The following DACH1 variants were observed in gnomAD, a reference collection of about 807,000 sequenced individuals.
DACH1 encodes dachshund family transcription factor 1.
DACH1 carries 12 observed loss-of-function variants against 54.2 expected under a neutral mutation model. That is an observed-to-expected ratio of 0.22 (90% CI 0.14 to 0.36). The LOEUF (loss-of-function observed/expected upper bound fraction) is 0.36. DACH1 is among the 10% of genes least tolerant of loss of function. The pLI is 1.00. For synonymous variants in DACH1, 386 were observed against 366.2 expected (o/e 1.05, Z -0.62); for missense variants, 805 against 929.8 (o/e 0.87, Z 1.75).
intron 4 of DACH1, among the ~76,000 whole-genome samples, chr13:71,564,809 T>A (rs1046804159): frequency 2.6e-5 from 4 of 152,322 alleles, no homozygotes; most frequent in African/African-American, 9.6e-5. Context: ...CATTTAGTTT[T>A]TATTTATTTT....
chr13:71,580,185 T>C (rs1452014155), intron 3 of DACH1, among the ~76,000 whole-genome samples: 1 of 152,216 alleles, frequency 6.6e-6, no homozygotes, highest in African/African-American at 2.4e-5. Context: ...CTAAAACTTA[T>C]TCATACAGTT....
intron 1 of DACH1, among the ~76,000 whole-genome samples, chr13:71,698,110 A>G (rs1215217622): frequency 6.6e-6 from 1 of 152,156 alleles, no homozygotes; most frequent in Non-Finnish European, 1.5e-5. Context: ...GGAAATTGCT[A>G]AAACCCGGGA....
At chr13:71,846,147 A>G in intron 1 of DACH1, 1 of 197,338 alleles carries the variant, frequency 5.1e-6, no homozygotes, top group South Asian at 1.0e-4. Flanking sequence ...ACAAAGCGAG[A>G]ACAGCACACT....
At chr13:71,479,026 G>T in intron 8 of DACH1, 143 bp downstream of exon 8, 3 of 695,134 alleles carry the variant, frequency 4.3e-6, no homozygotes, top group Non-Finnish European at 4.4e-6. Context: ...AATACAATGA[G>T]CCTAGGATTC....
chr13:71,688,681 C>T (rs976036565), intron 1 of DACH1, among the ~76,000 whole-genome samples: 8 of 152,142 alleles, frequency 5.3e-5, no homozygotes, highest in Admixed American at 5.2e-4. Context: ...TTACAAATAT[C>T]ACCAGTGGAC....
intron 2 of DACH1, among the ~76,000 whole-genome samples, chr13:71,641,451 T>C (rs1280888018): frequency 6.6e-5 from 10 of 152,108 alleles, no homozygotes; most frequent in Admixed American, 5.9e-4. Context: ...TAACAACATC[T>C]CATTTAAGCT....
chr13:71,755,869 T>C lies in DACH1; in HGVS notation c.849-73959A>G, dbSNP rs540940485. 9.2e-5 allele frequency among the ~76,000 whole-genome samples: 14 copies of C among 152,286 alleles called. No individual in the cohort carries two copies. The South Asian group carries it at 2.7e-3, about 29-fold the overall frequency. On this transcript the variant is annotated intron_variant, in intron 1 of 10. Coordinates refer to ENST00000613252, the MANE Select transcript of DACH1 (RefSeq NM_080759.6). ...ATGGAAACCATTACTTTTAAACTTA[T>C]GATACTATACCAAAATAATAGAGAA...
intron 2 of DACH1, among the ~76,000 whole-genome samples, chr13:71,663,549 C>T (rs1026333877): frequency 4.6e-5 from 7 of 151,878 alleles, no homozygotes; most frequent in Non-Finnish European, 8.8e-5. Flanking sequence ...GCTACTGGAG[C>T]ACTGAAATGT....
intron 3 of DACH1, among the ~76,000 whole-genome samples, chr13:71,586,568 T>C (rs1873295284): frequency 6.6e-6 from 1 of 152,098 alleles, no homozygotes; most frequent in Non-Finnish European, 1.5e-5. Flanking sequence ...CTATTCACAA[T>C]TCTTATATTC....
rs1213065338 is a variant in DACH1, at chr13:71,756,124, A to G, written c.849-74214T>C. ...CGGCTCACTGCAATCTCTGCCTCCC[A>G]GTTTCGAGCAATTCTCCTGCCTCAG... On this transcript the variant is annotated intron_variant, in intron 1 of 10. Coordinates refer to ENST00000613252, the MANE Select transcript of DACH1 (RefSeq NM_080759.6). Among the ~76,000 whole-genome samples, 4 of 152,004 alleles carry G rather than the reference A, an allele frequency of 2.6e-5. No homozygotes were observed. In the East Asian group the frequency reaches 7.8e-4, roughly 30 times the overall value.
chr13:71,609,852 A>G (rs896311898), intron 3 of DACH1, among the ~76,000 whole-genome samples: 1 of 152,162 alleles, frequency 6.6e-6, no homozygotes, highest in Non-Finnish European at 1.5e-5. Context: ...ATCTTGATAA[A>G]TATAAAAAAT....
intron 10 of DACH1, 74 bp downstream of exon 10, chr13:71,475,067 T>G: frequency 2.2e-6 from 3 of 1,375,540 alleles, no homozygotes; most frequent in Non-Finnish European, 3.1e-6. Flanking sequence ...GGCTACATGC[T>G]TGAATAGCAG....
chr13:71,789,965 A>G (rs1886767747), intron 1 of DACH1, among the ~76,000 whole-genome samples: 2 of 152,154 alleles, frequency 1.3e-5, no homozygotes, highest in African/African-American at 4.8e-5. Context: ...ACATTCTCTT[A>G]TTTATTCACA....
At chr13:71,604,148 A>G (rs1874713387) in intron 3 of DACH1, among the ~76,000 whole-genome samples, 1 of 151,940 alleles carries the variant, frequency 6.6e-6, no homozygotes, top group African/African-American at 2.4e-5. Context: ...GCAATATAAA[A>G]ATCACTTCAT....
intron 2 of DACH1, among the ~76,000 whole-genome samples, chr13:71,645,199 AT>A (rs1878182802): frequency 6.6e-6 from 1 of 152,174 alleles, no homozygotes; most frequent in South Asian, 2.1e-4. Context: ...CGGAAGAGCA[AT>A]TGATAAACAT....
At chr13:71,834,496 T>A (rs1458979874) in intron 1 of DACH1, among the ~76,000 whole-genome samples, 2 of 152,074 alleles carry the variant, frequency 1.3e-5, no homozygotes, top group Non-Finnish European at 2.9e-5. Context: ...TGAAATACTA[T>A]TATGGGACAT....
At chr13:71,445,231 A>C in intron 10 of DACH1, among the ~76,000 whole-genome samples, 1 of 152,224 alleles carries the variant, frequency 6.6e-6, no homozygotes, top group Admixed American at 6.5e-5. Context: ...AACAAAAATT[A>C]TTAGCATGTT....
Position 71,866,225 on chromosome 13 carries a change from G to T in DACH1, c.545C>A (p.Thr182Asn), listed in dbSNP as rs754515488. The T allele has an allele frequency of 8.1e-6, 13 of 1,612,626 alleles. No homozygotes were observed. The East Asian group carries it at 2.0e-4, about 25-fold the overall frequency. ...VYSTPSPVENTPQNNECKMVD... is the reference protein window; with the variant it reads ...VYSTPSPVENNPQNNECKMVD... ...CATTTTGCACTCATTATTCTGAGGG[G>T]TGTTTTCCACTGGGGACGGGGTTGA... Residue 182 changes from threonine (T) to asparagine (N), a missense_variant, in exon 1 of 11, where the codon ACC becomes AAC. Transcript: ENST00000613252.
intron 1 of DACH1, among the ~76,000 whole-genome samples, chr13:71,754,629 T>C (rs995538789): frequency 2.0e-5 from 3 of 152,148 alleles, no homozygotes; most frequent in Admixed American, 6.6e-5. Context: ...CCAGCCCAGA[T>C]TTTGTAATAC....
Sources: gnomAD v4.1 joint callset for allele counts (sites outside exome capture counted in the v4.1 genomes callset) on GRCh38, gnomAD v4.1.1 for gene constraint, MANE v1.5 for transcripts, NCBI Gene and HGNC (gene_info 2026-07-23, HGNC 2026-07-21) for gene names.